The following RABGAP1L variants were observed in gnomAD, a reference collection of about 807,000 sequenced individuals.
RABGAP1L encodes RAB GTPase activating protein 1 like.
Under a neutral mutation model 137.7 loss-of-function variants are expected in RABGAP1L, and 63 were observed. That is an observed-to-expected ratio of 0.46 (90% confidence interval 0.37 to 0.56). The LOEUF is 0.56. Ranked by LOEUF, RABGAP1L falls within the 20% of genes least tolerant of loss-of-function variation. The probability of loss-of-function intolerance (pLI) is 0.00; values close to 1 mark genes in which losing one functional copy is unlikely to be tolerated. For missense variants in RABGAP1L, 1,095 were observed against 1,244.0 expected (o/e 0.88, Z 1.80); for synonymous variants, 431 against 433.7 (o/e 0.99, Z 0.08).
intron 10 of RABGAP1L, among the ~76,000 whole-genome samples, chr1:174,287,259 G>C (rs942403895): frequency 5.9e-5 from 9 of 152,052 alleles, no homozygotes; most frequent in African/African-American, 2.2e-4. Context: ...TTGATGAATT[G>C]ACCCCTCTGT....
intron 13 of RABGAP1L, among the ~76,000 whole-genome samples, chr1:174,402,949 C>T (rs1297460603): frequency 6.6e-6 from 1 of 152,002 alleles, no homozygotes; most frequent in East Asian, 1.9e-4. Flanking sequence ...AATTGTATGA[C>T]ATATATGGTA....
At chr1:174,658,679 T>C (rs1676148508) in intron 14 of RABGAP1L, among the ~76,000 whole-genome samples, 2 of 152,082 alleles carry the variant, frequency 1.3e-5, no homozygotes, top group Non-Finnish European at 2.9e-5. Context: ...CCCACCTGGG[T>C]GGGCTTGTCA....
At chr1:174,660,032 G>C (rs763116960) in intron 14 of RABGAP1L, among the ~76,000 whole-genome samples, 13 of 152,164 alleles carry the variant, frequency 8.5e-5, no homozygotes, top group Non-Finnish European at 1.5e-4. Context: ...AGAGGCACTG[G>C]ATGGAACAAC....
chr1:174,545,335 T>C (rs1233854028), intron 13 of RABGAP1L: 1 of 141,680 alleles, frequency 7.1e-6, no homozygotes, highest in Non-Finnish European at 1.5e-5. Flanking sequence ...TTGCTGACAC[T>C]TGCGGCTTGA....
intron 1 of RABGAP1L, among the ~76,000 whole-genome samples, chr1:174,169,541 A>G (rs1665176311): frequency 6.6e-6 from 1 of 152,172 alleles, no homozygotes; most frequent in Non-Finnish European, 1.5e-5. Flanking sequence ...TTTTTAAAAG[A>G]TAATCTAGTA....
At chr1:174,499,320 T>C (rs1029467892) in intron 13 of RABGAP1L, among the ~76,000 whole-genome samples, 3 of 152,202 alleles carry the variant, frequency 2.0e-5, no homozygotes, top group Non-Finnish European at 2.9e-5. Context: ...GAAAGATGAT[T>C]GTAATCTTCA....
At chr1:174,935,612 A>G (rs970723793) in intron 19 of RABGAP1L, 6 of 152,234 alleles carry the variant, frequency 3.9e-5, no homozygotes, top group Non-Finnish European at 7.3e-5. Context: ...GATTACCTTA[A>G]GAGCCATGAC....
At chr1:174,663,502 G>C (rs1377573762) in intron 14 of RABGAP1L, among the ~76,000 whole-genome samples, 2 of 152,152 alleles carry the variant, frequency 1.3e-5, no homozygotes, top group African/African-American at 4.8e-5. Flanking sequence ...TACTCTCTAT[G>C]ATGTTTGCAC....
At chr1:174,831,795 G>C (rs932220444) in intron 19 of RABGAP1L, among the ~76,000 whole-genome samples, 2 of 148,050 alleles carry the variant, frequency 1.4e-5, no homozygotes, top group Non-Finnish European at 3.0e-5. Context: ...AATCAGACCT[G>C]TATAGTCAGT....
At chr1:174,217,096 TGAC>T (rs1669392172) in intron 1 of RABGAP1L, among the ~76,000 whole-genome samples, 1 of 152,086 alleles carries the variant, frequency 6.6e-6, no homozygotes, top group Admixed American at 6.6e-5. Context: ...GGGTCTGACA[TGAC>T]TTGCTGATGT....
chr1:174,547,865 G>C (rs1368273846), intron 13 of RABGAP1L: 1 of 1,541,074 alleles, frequency 6.5e-7, no homozygotes, highest in Admixed American at 2.0e-5. Context: ...CTTACACCGA[G>C]ACAGACTATT....
intron 11 of RABGAP1L, among the ~76,000 whole-genome samples, chr1:174,314,635 T>C (rs959453685): frequency 1.3e-5 from 2 of 152,160 alleles, no homozygotes; most frequent in Non-Finnish European, 2.9e-5. Context: ...TAGACAGTTA[T>C]AGCTATAAAC....
At chr1:174,717,745 C>T (rs1225079255) in intron 17 of RABGAP1L, among the ~76,000 whole-genome samples, 1 of 151,912 alleles carries the variant, frequency 6.6e-6, no homozygotes, top group Admixed American at 6.5e-5. Flanking sequence ...TAGTTGCTTT[C>T]TGTTTGTCTG....
chr1:174,578,993 T>G (rs1341295888), intron 13 of RABGAP1L, among the ~76,000 whole-genome samples: 1 of 152,142 alleles, frequency 6.6e-6, no homozygotes, highest in Non-Finnish European at 1.5e-5. Flanking sequence ...AAAAAATACA[T>G]ATAGAACACA....
chr1:174,541,085 G>C (rs1321177684), intron 13 of RABGAP1L, among the ~76,000 whole-genome samples: 1 of 151,374 alleles, frequency 6.6e-6, no homozygotes, highest in Non-Finnish European at 1.5e-5. Context: ...TCATGATTTG[G>C]CTGTTTGTCT....
chr1:174,403,208 AGTGTGTGTGTGTGT>A (rs201238291), intron 13 of RABGAP1L, among the ~76,000 whole-genome samples: 7 of 126,676 alleles, frequency 5.5e-5, no homozygotes, highest in Admixed American at 1.6e-4. Flanking sequence ...TATATATGAG[AGTGTGTGTGTGTGT>A]GTGTGTGTGT....
intron 11 of RABGAP1L, among the ~76,000 whole-genome samples, chr1:174,329,561 G>A (rs1022596926): frequency 1.1e-4 from 17 of 151,994 alleles, no homozygotes; most frequent in Non-Finnish European, 1.9e-4. Flanking sequence ...TTCCTGATGA[G>A]TATAGTTGTA....
chr1:174,928,381 TGTATCTA>T (rs1173598161), intron 19 of RABGAP1L, among the ~76,000 whole-genome samples: 1 of 151,958 alleles, frequency 6.6e-6, no homozygotes, highest in Non-Finnish European at 1.5e-5. Flanking sequence ...CTACTAGACT[TGTATCTA>T]GTATCTTGAA....
chr1:174,349,988 G>A, intron 11 of RABGAP1L, among the ~76,000 whole-genome samples: 1 of 126,734 alleles, frequency 7.9e-6, no homozygotes, highest in Non-Finnish European at 1.7e-5. Flanking sequence ...CTCCCGGACG[G>A]GGTGGCTGGC....
Sources: gnomAD v4.1 joint callset for allele counts (sites outside exome capture counted in the v4.1 genomes callset) on GRCh38, gnomAD v4.1.1 for gene constraint, MANE v1.5 for transcripts, NCBI Gene and HGNC (gene_info 2026-07-23, HGNC 2026-07-21) for gene names.